LSM6: variants seen among roughly 807,000 people sequenced by gnomAD.
The protein encoded by LSM6 is U6 snRNA-associated Sm-like protein LSm6.
Under a neutral mutation model 13.5 loss-of-function variants are expected in LSM6, and 2 were observed. The observed-to-expected ratio is 0.15, with a 90% CI of 0.06 to 0.47. The LOEUF (loss-of-function observed/expected upper bound fraction) is 0.47, where lower values mean the gene tolerates loss of function less well. LSM6 is among the 20% of genes least tolerant of loss of function. The probability of loss-of-function intolerance (pLI) is 0.97; values close to 1 mark genes in which losing one functional copy is unlikely to be tolerated. For synonymous variants in LSM6, 43 were observed against 34.9 expected (o/e 1.23, Z -0.82); for missense variants, 58 against 96.4 (o/e 0.60, Z 1.67).
In LSM6 at chr4:146,182,898, A is replaced by T. The variant is rs1252706888; in HGVS notation, c.-10-14A>T. 2 of 1,475,158 alleles carry T rather than the reference A, an allele frequency of 1.4e-6. No individual in the cohort carries two copies. Among genetic ancestry groups the T allele is most frequent in the South Asian group, 2.3e-5 (2 of 88,272 alleles). The allele number at this position is 1,475,158 out of a possible 1,614,324, so 91.4% of individuals were successfully genotyped here. Reference sequence around the variant, plus strand: ...TCTTTACCTTTTATTGTTCCTTTTCATATTTTGATTTAGGATTGTTAAAAT... The same window carrying T: ...TCTTTACCTTTTATTGTTCCTTTTCTTATTTTGATTTAGGATTGTTAAAAT... On this transcript the variant is annotated splice_polypyrimidine_tract_variant and intron_variant, in intron 1 of 3. Coordinates refer to ENST00000296581, the MANE Select transcript of LSM6 (RefSeq NM_007080.3).
chr4:146,179,403 T>C (rs1169631559), intron 1 of LSM6, among the ~76,000 whole-genome samples: 1 of 152,196 alleles, frequency 6.6e-6, no homozygotes, highest in Non-Finnish European at 1.5e-5. Context: ...ACCAATTTAC[T>C]CATACAAAAT....
intron 1 of LSM6, among the ~76,000 whole-genome samples, chr4:146,179,218 A>G (rs2110879226): frequency 6.6e-6 from 1 of 152,336 alleles, no homozygotes; most frequent in Admixed American, 6.5e-5. Context: ...TGAAAGGAGA[A>G]GTTTTACCAG....
At position 146,185,771 on chromosome 4, in the gene LSM6, C is replaced by CT. The variant is rs565356243; in HGVS notation, c.95-1500dup. 6.6e-5 allele frequency among the ~76,000 whole-genome samples: 10 copies of CT among 151,074 alleles called. No homozygotes were observed. In the South Asian group the frequency reaches 2.1e-3, roughly 32 times the overall value. On this transcript the variant is annotated intron_variant, in intron 2 of 3. Transcript: ENST00000296581. ...TTCTTTTTTGAGACCGAGTCTCACT[C>CT]TTTCGCCCAGGCTGGAGTGCAGTGG... is the stretch of plus-strand genomic sequence containing the variant.
At chr4:146,185,404 T>G (rs534632485) in intron 2 of LSM6, among the ~76,000 whole-genome samples, 2 of 151,966 alleles carry the variant, frequency 1.3e-5, no homozygotes, top group Non-Finnish European at 2.9e-5. Flanking sequence ...CTTTATACTA[T>G]TAAAGCAAAA....
At chr4:146,189,535 A>G (rs1730422633) in intron 3 of LSM6, 87 bp from the exon 4 acceptor site, 2 of 809,972 alleles carry the variant, frequency 2.5e-6, no homozygotes, top group Admixed American at 5.1e-5. Context: ...GTATCAGACC[A>G]AAATCTGTTG....
At chr4:146,181,568 T>C (rs1448756556) in intron 1 of LSM6, among the ~76,000 whole-genome samples, 1 of 152,156 alleles carries the variant, frequency 6.6e-6, no homozygotes, top group East Asian at 1.9e-4. Context: ...ATTGAGTGGA[T>C]GGACTTAGAA....
chr4:146,183,801 T>TA (rs1017182221), intron 2 of LSM6, among the ~76,000 whole-genome samples: 8 of 151,892 alleles, frequency 5.3e-5, no homozygotes, highest in Non-Finnish European at 1.0e-4. Flanking sequence ...GTTACATAGA[T>TA]ACGTTCTTTA....
intron 2 of LSM6, chr4:146,183,626 T>C (rs948663074): frequency 7.2e-5 from 11 of 152,620 alleles, no homozygotes; most frequent in African/African-American, 2.4e-4. Flanking sequence ...TTAAGTTACC[T>C]GAAATATTTG....
At chr4:146,183,116 G>A in intron 2 of LSM6, 101 bp downstream of exon 2, 1 of 752,152 alleles carries the variant, frequency 1.3e-6, no homozygotes, top group Non-Finnish European at 2.3e-6. Flanking sequence ...GGCCAAAAAA[G>A]TACTGGTCAT....
chr4:146,182,951 C>T lies in LSM6; in HGVS notation c.30C>T (p.Asp10=), dbSNP rs1339011410. 1.2e-6 allele frequency: 2 copies of T among 1,613,104 alleles called. No individual in the cohort carries two copies. The highest frequency in any genetic ancestry group is 1.7e-6 in the Non-Finnish European group (2 of 1,179,164). The part of the protein sequence containing the change: MSLRKQTPS[D]FLKQIIGRPV... ...GTCTTCGGAAGCAAACCCCTAGTGACTTCTTAAAGCAAATCATCGGACGAC... is the reference window on the plus strand; with the variant it reads ...GTCTTCGGAAGCAAACCCCTAGTGATTTCTTAAAGCAAATCATCGGACGAC... The change falls in exon 2 of 4, where the codon GAC becomes GAT. Residue 10 remains aspartate (D), a synonymous_variant. Transcript: ENST00000296581.
intron 2 of LSM6, among the ~76,000 whole-genome samples, chr4:146,184,056 C>T (rs575968824): frequency 1.3e-5 from 2 of 152,154 alleles, no homozygotes; most frequent in African/African-American, 4.8e-5. Context: ...GTTCAGTTGT[C>T]TGGTGAGGGC....
chr4:146,182,683 G>T (rs918051110), intron 1 of LSM6, among the ~76,000 whole-genome samples: 3 of 152,246 alleles, frequency 2.0e-5, no homozygotes, highest in African/African-American at 7.2e-5. Context: ...CCATGGTGTT[G>T]TGGGTACTGA....
At chr4:146,183,849 A>C (rs952845297) in intron 2 of LSM6, among the ~76,000 whole-genome samples, 6 of 146,102 alleles carry the variant, frequency 4.1e-5, no homozygotes, top group African/African-American at 1.5e-4. Flanking sequence ...CCGTCACCTG[A>C]GCACTGTACT....
rs1001853936 is a variant in LSM6, at chr4:146,191,062, C to T, written c.*1406C>T. 2 of 152,074 alleles carry T rather than the reference C, an allele frequency of 1.3e-5. No individual in the cohort carries two copies. Among genetic ancestry groups the T allele is most frequent in the Non-Finnish European group, 2.9e-5 (2 of 68,020 alleles). The allele number at this position is 152,074 out of a possible 1,614,324, so 9.4% of individuals were successfully genotyped here. A position where few individuals can be genotyped will look rare whatever the true frequency, so the allele number is the denominator to read the frequency against. On this transcript the variant is annotated 3_prime_UTR_variant, in exon 4 of 4. Transcript: ENST00000296581. The stretch of plus-strand genomic sequence containing the variant: ...ACAGAAGCATTTCACAGGGTTTTAC[C>T]GTGTGCACACTGAAAATAAAACACT...
intron 1 of LSM6, among the ~76,000 whole-genome samples, chr4:146,179,589 A>AT (rs1282165569): frequency 6.6e-6 from 1 of 152,210 alleles, no homozygotes; most frequent in Non-Finnish European, 1.5e-5. Flanking sequence ...TAGAATGTAG[A>AT]TATTCTAGAG....
chr4:146,183,523 T>C (rs1178062536), intron 2 of LSM6: 1 of 152,572 alleles, frequency 6.6e-6, no homozygotes, highest in Non-Finnish European at 1.5e-5. Flanking sequence ...TTTAAGAGGC[T>C]GCAGTGCTTT....
intron 2 of LSM6, among the ~76,000 whole-genome samples, chr4:146,186,013 A>G (rs1730341799): frequency 1.3e-5 from 2 of 152,228 alleles, no homozygotes; most frequent in African/African-American, 4.8e-5. Flanking sequence ...CTGGGATTAC[A>G]GGCATGAGCC....
rs1158394013 is a variant in LSM6, at chr4:146,185,646, TTTG to T, written c.95-1615_95-1613del. On this transcript the variant is annotated intron_variant, in intron 2 of 3. Coordinates refer to ENST00000296581, the MANE Select transcript of LSM6 (RefSeq NM_007080.3). Reference sequence around the variant, plus strand: ...TATTTCTAACCCCCTGGGCAGTTTTTTTGTTGTTGTTGTTGCTTGTTTGTTTGT... The same window carrying T: ...TATTTCTAACCCCCTGGGCAGTTTTTTTGTTGTTGTTGCTTGTTTGTTTGT... Among the ~76,000 whole-genome samples the T allele has an allele frequency of 3.3e-5, 5 of 151,042 alleles. No homozygotes were observed. The South Asian group carries it at 1.0e-3, about 31-fold the overall frequency.
chr4:146,186,132 A>T (rs1730343982), intron 2 of LSM6, among the ~76,000 whole-genome samples: 1 of 152,202 alleles, frequency 6.6e-6, no homozygotes, highest in Non-Finnish European at 1.5e-5. Flanking sequence ...TGCAGTTTGT[A>T]TGTAAAATAG....
Sources: allele counts gnomAD v4.1 joint callset (sites outside exome capture counted in the v4.1 genomes callset), GRCh38; gene constraint gnomAD v4.1.1; transcripts MANE v1.5; gene names NCBI Gene and HGNC (gene_info 2026-07-23, HGNC 2026-07-21).